The following NAALADL2 variants were observed in gnomAD, a reference collection of about 807,000 sequenced individuals.
NAALADL2 encodes the protein N-acetylated alpha-linked acidic dipeptidase like 2.
NAALADL2 carries 76 observed loss-of-function variants against 87.2 expected under a neutral mutation model. That is an observed-to-expected ratio of 0.87 (90% CI 0.72 to 1.05). NAALADL2 has a LOEUF of 1.05. NAALADL2 is among the 50% of genes least tolerant of loss of function. NAALADL2 has a pLI of 0.00. For missense variants in NAALADL2, 1,089 were observed against 945.8 expected (o/e 1.15, Z -1.99); for synonymous variants, 354 against 331.0 (o/e 1.07, Z -0.75).
chr3:175,675,815 T>TA (rs1734692668), intron 11 of NAALADL2: 1 of 152,178 alleles, frequency 6.6e-6, no homozygotes, highest in African/African-American at 2.4e-5. Context: ...TTGGTTTCAA[T>TA]AAAAAATGGT....
At chr3:175,039,342 A>G (rs757742809) in intron 1 of NAALADL2, among the ~76,000 whole-genome samples, 43 of 152,058 alleles carry the variant, frequency 2.8e-4, no homozygotes, top group Non-Finnish European at 5.3e-4. Flanking sequence ...AATTTTTTAT[A>G]TTCTTAGTAG....
At chr3:174,703,294 C>A (rs1026867298) in intron 2 of NAALADL2, among the ~76,000 whole-genome samples, 4 of 149,028 alleles carry the variant, frequency 2.7e-5, no homozygotes, top group Admixed American at 6.7e-5. Context: ...CACATGCTAC[C>A]ATGCCTGGCT....
chr3:174,974,436 T>A (rs1329191775), intron 1 of NAALADL2, among the ~76,000 whole-genome samples: 2 of 152,208 alleles, frequency 1.3e-5, no homozygotes, highest in Non-Finnish European at 2.9e-5. Context: ...CTTAGGTAAG[T>A]CACCGAACAT....
At chr3:175,029,065 A>AT (rs397705567) in intron 1 of NAALADL2, among the ~76,000 whole-genome samples, 7,424 of 147,312 alleles carry the variant, frequency 0.05, 253 homozygotes, top group African/African-American at 0.099. Context: ...ATATATATAT[A>AT]AAAAACTCAA....
chr3:175,144,135 C>T (rs1396235615), intron 2 of NAALADL2, among the ~76,000 whole-genome samples: 3 of 151,832 alleles, frequency 2.0e-5, no homozygotes, highest in Non-Finnish European at 2.9e-5. Context: ...TCTTGAGTTA[C>T]TAAAGATGGC....
chr3:174,577,290 A>T (rs957537985), intron 2 of NAALADL2, among the ~76,000 whole-genome samples: 4 of 152,186 alleles, frequency 2.6e-5, no homozygotes, highest in African/African-American at 9.6e-5. Context: ...GATATTTGAG[A>T]AATGTTAAAA....
At chr3:175,512,138 G>A (rs1731241285) in intron 9 of NAALADL2, among the ~76,000 whole-genome samples, 2 of 152,138 alleles carry the variant, frequency 1.3e-5, no homozygotes, top group Non-Finnish European at 2.9e-5. Context: ...TAATTACTCA[G>A]GAGGCTGAGA....
intron 2 of NAALADL2, among the ~76,000 whole-genome samples, chr3:175,141,045 T>G (rs1729917206): frequency 6.6e-6 from 1 of 152,222 alleles, no homozygotes; most frequent in African/African-American, 2.4e-5. Flanking sequence ...TCATGGAGGA[T>G]AAAGGAGTCC....
chr3:174,786,466 AT>A (rs1282390120), intron 3 of NAALADL2, among the ~76,000 whole-genome samples: 52 of 120,360 alleles, frequency 4.3e-4, no homozygotes, highest in African/African-American at 8.9e-4. Context: ...AAAAAAAAAA[AT>A]AATAAATAAA....
At chr3:174,658,328 G>A (rs780532339) in intron 2 of NAALADL2, among the ~76,000 whole-genome samples, 1 of 152,114 alleles carries the variant, frequency 6.6e-6, no homozygotes, top group Non-Finnish European at 1.5e-5. Context: ...ATGTATAGTA[G>A]TATATCTTTG....
intron 1 of NAALADL2, among the ~76,000 whole-genome samples, chr3:175,051,207 T>G (rs1392349811): frequency 6.6e-6 from 1 of 152,210 alleles, no homozygotes; most frequent in East Asian, 1.9e-4. Flanking sequence ...CATTTACACT[T>G]AGAGCCAAAT....
chr3:174,900,634 T>A (rs1334676688), intron 1 of NAALADL2, among the ~76,000 whole-genome samples: 1 of 151,992 alleles, frequency 6.6e-6, no homozygotes, highest in East Asian at 1.9e-4. Flanking sequence ...ACCATAAAAT[T>A]ATTTGTAGTA....
intron 5 of NAALADL2, among the ~76,000 whole-genome samples, chr3:175,358,842 G>T (rs1217911559): frequency 6.6e-6 from 1 of 151,980 alleles, no homozygotes; most frequent in Non-Finnish European, 1.5e-5. Flanking sequence ...TCCAAATTTG[G>T]CACAATAAGT....
chr3:175,657,038 A>G (rs375688809), intron 11 of NAALADL2, among the ~76,000 whole-genome samples: 3 of 152,286 alleles, frequency 2.0e-5, no homozygotes, highest in African/African-American at 7.2e-5. Context: ...CTTACATATA[A>G]GAAAACTAAA....
chr3:175,334,448 C>G (rs965213854), intron 5 of NAALADL2, among the ~76,000 whole-genome samples: 3 of 152,094 alleles, frequency 2.0e-5, no homozygotes, highest in African/African-American at 7.2e-5. Context: ...ATTTGTTTAT[C>G]TTTCCCCCTC....
At chr3:175,205,773 A>G (rs114163025) in intron 2 of NAALADL2, among the ~76,000 whole-genome samples, 2,918 of 152,146 alleles carry the variant, frequency 0.019, 87 homozygotes, top group African/African-American at 0.065. Context: ...AATCCCATCA[A>G]AAAGTGGGCC....
chr3:174,947,639 T>C (rs367699918), intron 1 of NAALADL2, among the ~76,000 whole-genome samples: 13 of 152,220 alleles, frequency 8.5e-5, no homozygotes, highest in Admixed American at 5.9e-4. Context: ...AAAACACTGA[T>C]AACTTTTAAG....
At chr3:175,091,980 T>C (rs1232604641) in intron 1 of NAALADL2, among the ~76,000 whole-genome samples, 1 of 151,914 alleles carries the variant, frequency 6.6e-6, no homozygotes, top group African/African-American at 2.4e-5. Flanking sequence ...CCATGTATTT[T>C]AAACTTGTAA....
At chr3:174,462,001 T>TA (rs1461041362) in intron 1 of NAALADL2, among the ~76,000 whole-genome samples, 2 of 152,078 alleles carry the variant, frequency 1.3e-5, no homozygotes. Context: ...GTATTCTACT[T>TA]AGACTATTTT....
Sources: gnomAD v4.1 joint callset for allele counts (sites outside exome capture counted in the v4.1 genomes callset) on GRCh38, gnomAD v4.1.1 for gene constraint, MANE v1.5 for transcripts, NCBI Gene and HGNC (gene_info 2026-07-23, HGNC 2026-07-21) for gene names.